Variants in ITPR2 observed in about 807,000 individuals in gnomAD.
ITPR2 encodes inositol 1,4,5-trisphosphate receptor type 2.
A neutral mutation model predicts 317.1 loss-of-function variants in ITPR2; 207 were observed. The ratio of observed to expected loss-of-function variants is 0.65; its 90% CI spans 0.58 to 0.73. The LOEUF is 0.73. ITPR2 is among the 30% of genes least tolerant of loss of function. The pLI is 0.00. For missense variants in ITPR2, 2,613 were observed against 3,284.0 expected (o/e 0.80, Z 4.99); for synonymous variants, 1,156 against 1,149.1 (o/e 1.01, Z -0.12).
At chr12:26,639,756 T>G (rs1011797215) in intron 21 of ITPR2, among the ~76,000 whole-genome samples, 1 of 151,836 alleles carries the variant, frequency 6.6e-6, no homozygotes, top group African/African-American at 2.4e-5. Context: ...TTGCTGAGAA[T>G]GATGGTTTCC....
chr12:26,602,852 T>C (rs1363096714), intron 26 of ITPR2, 146 bp from the exon 27 acceptor site: 8 of 444,374 alleles, frequency 1.8e-5, no homozygotes, highest in Middle Eastern at 6.3e-4. Context: ...TACTTTTTTA[T>C]TGCATAAAAA....
At chr12:26,606,231 G>A (rs1480280613) in intron 26 of ITPR2, among the ~76,000 whole-genome samples, 5 of 151,414 alleles carry the variant, frequency 3.3e-5, no homozygotes, top group East Asian at 1.9e-4. Flanking sequence ...TAAAAGGCTC[G>A]TAGCACATCT....
intron 26 of ITPR2, among the ~76,000 whole-genome samples, chr12:26,606,945 A>C (rs941916185): frequency 2.6e-5 from 4 of 152,196 alleles, no homozygotes; most frequent in Non-Finnish European, 5.9e-5. Context: ...ATAAATAAAT[A>C]AATACTGGCA....
Position 26,686,552 on chromosome 12 carries a change from A to G in ITPR2, c.1077T>C (p.His359=), listed in dbSNP as rs761577251. The change falls in exon 11 of 57, where the codon CAT becomes CAC. Residue 359 remains histidine (H), a synonymous_variant. Coordinates refer to ENST00000381340, the MANE Select transcript of ITPR2 (RefSeq NM_002223.4). ...KIMYTLVSVP[H]GNDIASLFEL... ...CAAAAAGGGATGCAATGTCATTGCC[A>G]TGCGGGACTGAAACCAAAGTATACA... 2.5e-6 allele frequency: 4 copies of G among 1,612,550 alleles called. No individual in the cohort carries two copies. Among genetic ancestry groups the G allele is most frequent in the African/African-American group, 2.7e-5 (2 of 74,860 alleles).
At chr12:26,479,891 T>C (rs1243974599) in intron 43 of ITPR2, among the ~76,000 whole-genome samples, 1 of 152,100 alleles carries the variant, frequency 6.6e-6, no homozygotes, top group Non-Finnish European at 1.5e-5. Context: ...CTGGGCAACA[T>C]AGTGAGACCC....
chr12:26,451,525 TAA>T (rs1941742457), intron 45 of ITPR2, among the ~76,000 whole-genome samples: 3 of 152,156 alleles, frequency 2.0e-5, no homozygotes, highest in Admixed American at 6.6e-5. Context: ...AAAAATATTG[TAA>T]GTTATATTTA....
At chr12:26,560,589 T>C (rs919860943) in intron 35 of ITPR2, among the ~76,000 whole-genome samples, 1 of 152,180 alleles carries the variant, frequency 6.6e-6, no homozygotes, top group Non-Finnish European at 1.5e-5. Flanking sequence ...CCTTCATTAT[T>C]ATCTGCAACA....
chr12:26,599,400 A>G, intron 29 of ITPR2, 55 bp from the exon 30 acceptor site: 1 of 1,494,190 alleles, frequency 6.7e-7, no homozygotes, highest in Non-Finnish European at 9.3e-7. Context: ...TTTCTATTCT[A>G]CAGTACTTAG....
At chr12:26,489,201 T>A (rs1397665723) in intron 39 of ITPR2, among the ~76,000 whole-genome samples, 1 of 152,208 alleles carries the variant, frequency 6.6e-6, no homozygotes, top group Non-Finnish European at 1.5e-5. Context: ...GATTTTTGCT[T>A]AGGAAACTAC....
At chr12:26,386,579 GT>G (rs1323150317) in intron 55 of ITPR2, among the ~76,000 whole-genome samples, 1 of 151,632 alleles carries the variant, frequency 6.6e-6, no homozygotes, top group East Asian at 1.9e-4. Context: ...CTTATTAAGT[GT>G]TTTCCTTAGG....
chr12:26,805,850 C>G (rs1950631683), intron 1 of ITPR2, among the ~76,000 whole-genome samples: 4 of 151,608 alleles, frequency 2.6e-5, no homozygotes, highest in Admixed American at 2.6e-4. Flanking sequence ...AATGGAAGGC[C>G]AGACCTGCAG....
At chr12:26,763,772 T>C (rs1949675912) in intron 2 of ITPR2, among the ~76,000 whole-genome samples, 1 of 152,242 alleles carries the variant, frequency 6.6e-6, no homozygotes, top group Admixed American at 6.5e-5. Context: ...ATTACCTGAA[T>C]GCTAAGACTG....
Position 26,398,867 on chromosome 12 carries a change from A to G in ITPR2, c.7696+9T>C, listed in dbSNP as rs1208847186. 1.2e-6 allele frequency: 2 copies of G among 1,605,064 alleles called. No homozygotes were observed. Among genetic ancestry groups the G allele is most frequent in the East Asian group, 2.2e-5 (1 of 44,776 alleles). ...TCATCTATTATTTTAGCATCTGCCG[A>G]ACACTTACCACAGATGAAACAAGTT... On this transcript the variant is annotated intron_variant, in intron 54 of 56. Coordinates refer to ENST00000381340, the MANE Select transcript of ITPR2 (RefSeq NM_002223.4).
intron 26 of ITPR2, among the ~76,000 whole-genome samples, chr12:26,609,652 T>A (rs899065188): frequency 6.6e-6 from 1 of 152,018 alleles, no homozygotes; most frequent in Admixed American, 6.5e-5. Flanking sequence ...TAGTAACTTA[T>A]TTATAGCATG....
Position 26,579,953 on chromosome 12 carries a change from G to A in ITPR2, c.4509+74C>T, listed in dbSNP as rs1945358894. 3 of 1,282,730 alleles carry A rather than the reference G, an allele frequency of 2.3e-6. No homozygotes were observed. In the East Asian group the frequency reaches 7.0e-5, roughly 30 times the overall value. The allele number at this position is 1,282,730 out of a possible 1,614,324, so 79.5% of individuals were successfully genotyped here. On this transcript the variant is annotated intron_variant, in intron 33 of 56. Coordinates refer to ENST00000381340, the MANE Select transcript of ITPR2 (RefSeq NM_002223.4). Reference sequence around the variant, plus strand: ...TCTGAAGTGTAGGAGATGACTTCCTGACCAGAAAAAATTTCTCCTACTCAA... The same window carrying A: ...TCTGAAGTGTAGGAGATGACTTCCTAACCAGAAAAAATTTCTCCTACTCAA...
intron 2 of ITPR2, among the ~76,000 whole-genome samples, chr12:26,756,745 C>A (rs187946123): frequency 2.8e-4 from 42 of 152,274 alleles, no homozygotes; most frequent in African/African-American, 9.6e-4. Context: ...TATCCCTCTG[C>A]AACCCTTAGG....
At chr12:26,665,072 T>C (rs74072307) in intron 14 of ITPR2, among the ~76,000 whole-genome samples, 1,734 of 152,340 alleles carry the variant, frequency 0.011, 43 homozygotes, top group African/African-American at 0.039. Flanking sequence ...GGCATGTCCA[T>C]ATGTGCATAT....
intron 2 of ITPR2, among the ~76,000 whole-genome samples, chr12:26,738,312 A>C (rs1186516121): frequency 6.6e-6 from 1 of 152,160 alleles, no homozygotes; most frequent in South Asian, 2.1e-4. Context: ...TTTGGAAAGT[A>C]GAACAGTAAA....
intron 54 of ITPR2, among the ~76,000 whole-genome samples, chr12:26,394,159 C>T (rs1293005771): frequency 1.3e-5 from 2 of 152,128 alleles, no homozygotes; most frequent in African/African-American, 4.8e-5. Context: ...GCATTATATT[C>T]CTCATTTTCC....
Sources: gnomAD v4.1 joint callset for allele counts (sites outside exome capture counted in the v4.1 genomes callset) on GRCh38, gnomAD v4.1.1 for gene constraint, MANE v1.5 for transcripts, NCBI Gene and HGNC (gene_info 2026-07-23, HGNC 2026-07-21) for gene names.